ARHGAP22: variants seen among roughly 807,000 people sequenced by gnomAD.
The protein encoded by ARHGAP22 is Rho GTPase activating protein 22, also known as rho GTPase-activating protein 22.
ARHGAP22 carries 48 observed loss-of-function variants against 59.1 expected under a neutral mutation model. The observed-to-expected ratio is 0.81, with a 90% CI of 0.64 to 1.03. The LOEUF (loss-of-function observed/expected upper bound fraction) is 1.03, where lower values mean the gene tolerates loss of function less well. ARHGAP22 is among the 50% of genes least tolerant of loss of function. The probability of loss-of-function intolerance (pLI) is 0.00; values close to 1 mark genes in which losing one functional copy is unlikely to be tolerated. For synonymous variants in ARHGAP22, 445 were observed against 416.4 expected (o/e 1.07, Z -0.84); for missense variants, 1,015 against 958.7 (o/e 1.06, Z -0.78).
chr10:48,655,248 TGTGTGTGTGGG>T (rs1223341331), upstream of ARHGAP22, among the ~76,000 whole-genome samples: 61 of 110,238 alleles, frequency 5.5e-4, no homozygotes, highest in African/African-American at 2.1e-3. Context: ...TGGATGTGTG[TGTGTGTGTGGG>T]GGGGGGGGGG....
chr10:48,639,827 G>A (rs1383716441), intron 1 of ARHGAP22, among the ~76,000 whole-genome samples: 1 of 151,918 alleles, frequency 6.6e-6, no homozygotes, highest in African/African-American at 2.4e-5. Context: ...AAGTACAAAG[G>A]AAAAGTGTGA....
upstream of ARHGAP22, among the ~76,000 whole-genome samples, chr10:48,654,843 T>TTC (rs71026217): frequency 9.6e-5 from 14 of 145,738 alleles, no homozygotes; most frequent in South Asian, 2.3e-4. Flanking sequence ...CCTTCCTTCC[T>TTC]CTCTCTTTTC....
chr10:48,617,381 T>A (rs1008006958), intron 1 of ARHGAP22, among the ~76,000 whole-genome samples: 1 of 151,994 alleles, frequency 6.6e-6, no homozygotes, highest in African/African-American at 2.4e-5. Flanking sequence ...GTACACTTCA[T>A]CCTAAAGCTC....
chr10:48,611,563 A>G (rs1197262000), intron 1 of ARHGAP22, among the ~76,000 whole-genome samples: 2 of 152,056 alleles, frequency 1.3e-5, no homozygotes, highest in Non-Finnish European at 2.9e-5. Flanking sequence ...AAAGAGTCAG[A>G]TTTTAGAAAA....
At chr10:48,453,572 T>C in intron 7 of ARHGAP22, 147 bp from the exon 8 acceptor site, 9 of 1,242,254 alleles carry the variant, frequency 7.2e-6, no homozygotes, top group Non-Finnish European at 1.0e-5. Context: ...TCTGCCAGGC[T>C]CGATGAGGGA....
At position 48,451,047 on chromosome 10, in the gene ARHGAP22, C is replaced by A. The variant is rs1173999797; in HGVS notation, c.1082G>T (p.Arg361Leu). The A allele has an allele frequency of 7.7e-6, 12 of 1,552,416 alleles. No individual in the cohort carries two copies. The change falls in exon 9 of 10, where the codon CGC (arginine) becomes CTC (leucine). Residue 361 changes from arginine to leucine, a missense_variant. Arg to Leu is a moderately radical substitution (Grantham distance 102). Transcript: ENST00000249601. ...CCCCACTGCGCATTGCAGGCCCCCGCGCGGGGAGGTGGGCCCTTCCGGGAC... is the reference window on the plus strand; with the variant it reads ...CCCCACTGCGCATTGCAGGCCCCCGAGCGGGGAGGTGGGCCCTTCCGGGAC... ...APVPEGPTSP[R>L]GGLQCAVGWG...
intron 5 of ARHGAP22, among the ~76,000 whole-genome samples, chr10:48,456,767 C>T (rs2046558062): frequency 6.6e-6 from 1 of 152,138 alleles, no homozygotes; most frequent in African/African-American, 2.4e-5. Context: ...CCCTGCCTGA[C>T]CCCCTATCCG....
intron 1 of ARHGAP22, among the ~76,000 whole-genome samples, chr10:48,619,894 C>G (rs187071802): frequency 6.4e-4 from 97 of 152,046 alleles, no homozygotes; most frequent in African/African-American, 2.3e-3. Flanking sequence ...AGGAAACAAC[C>G]CAAAGAATGA....
At chr10:48,652,573 G>A (rs942088988) in exon 1 of ARHGAP22, 1 of 456,256 alleles carries the variant, frequency 2.2e-6, no homozygotes, top group African/African-American at 1.9e-5. Context: ...TGTAAAATGG[G>A]AACAATAGTG....
intron 5 of ARHGAP22, among the ~76,000 whole-genome samples, chr10:48,455,963 G>A (rs1002290075): frequency 2.5e-4 from 38 of 152,174 alleles, no homozygotes; most frequent in African/African-American, 9.2e-4. Flanking sequence ...TCAGTCTCCC[G>A]CTCTGGCTCG....
chr10:48,652,137 C>T (rs2062593398), intron 1 of ARHGAP22: 1 of 1,200,594 alleles, frequency 8.3e-7, no homozygotes, highest in African/African-American at 1.5e-5. Context: ...TGCTCTCAGC[C>T]ACAAGACCAA....
chr10:48,575,386 G>C (rs1445165), intron 2 of ARHGAP22: 149,556 of 152,366 alleles, frequency 0.98, 73,456 homozygotes, highest in Middle Eastern at 1. Context: ...AAACAATGGG[G>C]TGGGAAATGA....
intron 1 of ARHGAP22, among the ~76,000 whole-genome samples, chr10:48,635,585 GGGGCC>G (rs1323864697): frequency 6.6e-6 from 1 of 152,234 alleles, no homozygotes; most frequent in Non-Finnish European, 1.5e-5. Flanking sequence ...AGGGAGAAAG[GGGGCC>G]GGGTAACCCC....
chr10:48,453,349 T>A lies in ARHGAP22; in HGVS notation c.943A>T (p.Asn315Tyr). 6.2e-7 allele frequency: 1 copy of A among 1,614,092 alleles called. No homozygotes were observed. Among genetic ancestry groups the A allele is most frequent in the Non-Finnish European group, 8.5e-7 (1 of 1,180,002 alleles). The change falls in exon 8 of 10, where the codon AAC becomes TAC. Residue 315 changes from asparagine to tyrosine, a missense_variant. Asn to Tyr is a moderately radical substitution (Grantham distance 143). Transcript: ENST00000249601. ...VQNLATVFGP[N>Y]ILRPQVEDPV... is the part of the protein sequence containing the mutation. Reference sequence around the variant, plus strand: ...TCCTCTACCTGTGGCCGCAGAATGTTAGGTCCAAAAACGGTTGCCAGATTC... The same window carrying A: ...TCCTCTACCTGTGGCCGCAGAATGTAAGGTCCAAAAACGGTTGCCAGATTC...
chr10:48,454,060 T>C, intron 7 of ARHGAP22, 28 bp downstream of exon 7: 3 of 1,603,830 alleles, frequency 1.9e-6, no homozygotes, highest in Non-Finnish European at 2.6e-6. Flanking sequence ...TGCAGGAAAG[T>C]GTGGTTCCCT....
chr10:48,494,194 G>A (rs770577540), intron 3 of ARHGAP22, among the ~76,000 whole-genome samples: 4 of 152,164 alleles, frequency 2.6e-5, no homozygotes, highest in Non-Finnish European at 4.4e-5. Context: ...AGAAGCTGAC[G>A]CTCCGTGAGC....
intron 3 of ARHGAP22, among the ~76,000 whole-genome samples, chr10:48,552,340 C>T (rs1257558938): frequency 1.3e-5 from 2 of 152,280 alleles, no homozygotes; most frequent in Admixed American, 6.5e-5. Flanking sequence ...GATTTCCTGG[C>T]CTAGGCCCAG....
intron 9 of ARHGAP22, among the ~76,000 whole-genome samples, chr10:48,449,095 G>C (rs1441192802): frequency 6.6e-6 from 1 of 152,222 alleles, no homozygotes; most frequent in Non-Finnish European, 1.5e-5. Flanking sequence ...AACTGGCGCA[G>C]CTGGTCCAGC....
intron 3 of ARHGAP22, among the ~76,000 whole-genome samples, chr10:48,541,004 A>G (rs186027331): frequency 9.1e-4 from 139 of 152,130 alleles, no homozygotes; most frequent in African/African-American, 3.3e-3. Flanking sequence ...ATGCACACAG[A>G]GCACCCAGGA....
Sources: gnomAD v4.1 joint callset for allele counts (sites outside exome capture counted in the v4.1 genomes callset) on GRCh38, gnomAD v4.1.1 for gene constraint, MANE v1.5 for transcripts, NCBI Gene and HGNC (gene_info 2026-07-23, HGNC 2026-07-21) for gene names.